The following SLC35D4 variants were observed in gnomAD, a reference collection of about 807,000 sequenced individuals.
SLC35D4 encodes the protein solute carrier family 35 member D4, also known as UDP-N-acetylglucosamine transporter SLC35D4.
At chr18:23,351,567 T>C in the SLC35D4 span, among the ~76,000 whole-genome samples, 9 of 152,138 alleles carry the variant, frequency 5.9e-5, no homozygotes, top group Admixed American at 5.2e-4. Context: ...AGTTAAATAA[T>C]GATTTCATTA....
the SLC35D4 span, among the ~76,000 whole-genome samples, chr18:23,265,867 G>C: frequency 6.6e-6 from 1 of 152,080 alleles, no homozygotes; most frequent in Non-Finnish European, 1.5e-5. Context: ...CGCCTCTGAG[G>C]CTTATCTAGA....
chr18:23,318,991 A>G, the SLC35D4 span, among the ~76,000 whole-genome samples: 2 of 149,038 alleles, frequency 1.3e-5, no homozygotes, highest in Non-Finnish European at 3.0e-5. Flanking sequence ...TCACAGGTGC[A>G]TGCCACCATG....
At chr18:23,363,236 G>C in the SLC35D4 span, among the ~76,000 whole-genome samples, 2 of 102,868 alleles carry the variant, frequency 1.9e-5, no homozygotes, top group Non-Finnish European at 3.8e-5. Context: ...CTGGGCAACA[G>C]AGCAAGACTC....
chr18:23,391,855 T>A, the SLC35D4 span, among the ~76,000 whole-genome samples: 1 of 152,204 alleles, frequency 6.6e-6, no homozygotes, highest in Non-Finnish European at 1.5e-5. Flanking sequence ...AATTATGTTG[T>A]GAGATACTAC....
the SLC35D4 span, among the ~76,000 whole-genome samples, chr18:23,323,246 TG>T: frequency 6.6e-6 from 1 of 152,250 alleles, no homozygotes; most frequent in African/African-American, 2.4e-5. Flanking sequence ...CATCAACTTT[TG>T]GTATAACAAT....
chr18:23,250,510 C>T, the SLC35D4 span, among the ~76,000 whole-genome samples: 6 of 152,184 alleles, frequency 3.9e-5, no homozygotes, highest in Non-Finnish European at 7.3e-5. Context: ...AGATTTAACC[C>T]AGAGGAGACA....
the SLC35D4 span, among the ~76,000 whole-genome samples, chr18:23,333,698 C>A: frequency 6.6e-6 from 1 of 152,216 alleles, no homozygotes; most frequent in Non-Finnish European, 1.5e-5. Context: ...ACAAACCCTC[C>A]CTTTCAGGGC....
chr18:23,381,909 A>G, the SLC35D4 span, among the ~76,000 whole-genome samples: 1 of 152,182 alleles, frequency 6.6e-6, no homozygotes, highest in Admixed American at 6.5e-5. Flanking sequence ...TCATTTCTAA[A>G]TTCATAAGAA....
At chr18:23,243,873 A>G in the SLC35D4 span, among the ~76,000 whole-genome samples, 9 of 51,486 alleles carry the variant, frequency 1.7e-4, no homozygotes, top group African/African-American at 1.7e-3. Flanking sequence ...ACTCCGTTTC[A>G]AAAAAAAAAA....
chr18:23,307,034 G>A, the SLC35D4 span, among the ~76,000 whole-genome samples: 2 of 152,178 alleles, frequency 1.3e-5, no homozygotes, highest in African/African-American at 2.4e-5. Flanking sequence ...CAGAAACACT[G>A]TTGTGGCTAG....
the SLC35D4 span, among the ~76,000 whole-genome samples, chr18:23,347,249 C>T: frequency 1.3e-5 from 2 of 152,016 alleles, no homozygotes; most frequent in Non-Finnish European, 2.9e-5. Flanking sequence ...CTTATTTGTT[C>T]CTTTCTGGGA....
chr18:23,295,214 G>C, the SLC35D4 span, among the ~76,000 whole-genome samples: 3 of 151,264 alleles, frequency 2.0e-5, no homozygotes, highest in African/African-American at 4.9e-5. Context: ...GGGCCTGTCG[G>C]GGGGTGGGGA....
At chr18:23,253,918 A>T in the SLC35D4 span, 1 of 1,614,152 alleles carries the variant, frequency 6.2e-7, no homozygotes, top group Non-Finnish European at 8.5e-7. Flanking sequence ...AAAAACACGA[A>T]GTCAAGCATT....
chr18:23,383,948 A>G, the SLC35D4 span, among the ~76,000 whole-genome samples: 1 of 126,490 alleles, frequency 7.9e-6, no homozygotes. Context: ...TGTAAAAAGC[A>G]TGTGGCCTGA....
At chr18:23,389,545 G>T in the SLC35D4 span, among the ~76,000 whole-genome samples, 2 of 151,756 alleles carry the variant, frequency 1.3e-5, no homozygotes, top group African/African-American at 4.8e-5. Context: ...TATTAAGACA[G>T]TTTGCACCTT....
At chr18:23,290,666 G>A in the SLC35D4 span, among the ~76,000 whole-genome samples, 12,014 of 148,204 alleles carry the variant, frequency 0.081, 612 homozygotes, top group Middle Eastern at 0.18. Context: ...TCACTGTGTC[G>A]CCCACGCTGG....
At chr18:23,251,798 A>C in the SLC35D4 span, among the ~76,000 whole-genome samples, 1 of 152,172 alleles carries the variant, frequency 6.6e-6, no homozygotes, top group African/African-American at 2.4e-5. Context: ...TGAAGACTCC[A>C]TAGTAGGCCA....
At chr18:23,313,131 A>G in the SLC35D4 span, among the ~76,000 whole-genome samples, 1 of 130,216 alleles carries the variant, frequency 7.7e-6, no homozygotes, top group African/African-American at 3.0e-5. Context: ...CATCTCAAAA[A>G]AAAAAAAAAA....
the SLC35D4 span, among the ~76,000 whole-genome samples, chr18:23,410,999 T>A: frequency 2.0e-5 from 3 of 151,936 alleles, no homozygotes; most frequent in Non-Finnish European, 2.9e-5. Flanking sequence ...CTGGGCCTCC[T>A]GTGCTGGTTT....
Sources: allele counts gnomAD v4.1 joint callset (sites outside exome capture counted in the v4.1 genomes callset), GRCh38; gene constraint gnomAD v4.1.1; transcripts MANE v1.5; gene names NCBI Gene and HGNC (gene_info 2026-07-23, HGNC 2026-07-21).